The following IRF7 variants were observed in gnomAD, a reference collection of about 807,000 sequenced individuals.
IRF7 encodes the protein interferon regulatory factor 7.
A neutral mutation model predicts 51.3 loss-of-function variants in IRF7; 67 were observed. The observed-to-expected ratio is 1.31, with a 90% CI of 1.07 to 1.60. The LOEUF is 1.60. Among genes scored for constraint, IRF7 ranks in the 40% most tolerant of loss-of-function variants. IRF7 has a pLI of 0.00. For missense variants in IRF7, 873 were observed against 701.5 expected, an observed-to-expected ratio of 1.24 and a Z score of -2.76; for synonymous variants, 427 against 301.3, an observed-to-expected ratio of 1.42 and a Z score of -4.32.
chr11:615,627 C>G lies in IRF7; in HGVS notation c.-263G>C. On this transcript the variant is annotated 5_prime_UTR_variant, in exon 2 of 11. Transcript: ENST00000525445. ...GTGTTGAACCAGTGTCCAGGCCTGG[C>G]GGGAAGGCGCAGGCCGGACCCTGCG... 1 of 417,886 alleles carries G rather than the reference C, an allele frequency of 2.4e-6. No individual in the cohort carries two copies. Among genetic ancestry groups the G allele is most frequent in the Non-Finnish European group, 4.2e-6 (1 of 237,440 alleles). 25.9% of individuals were successfully genotyped at this position (417,886 alleles called of 1,614,324 possible). A position where few individuals can be genotyped will look rare whatever the true frequency, so the allele number is the denominator to read the frequency against.
In IRF7 at chr11:612,612, T is replaced by C. The variant is rs1237754822; in HGVS notation, c.*33A>G. On this transcript the variant is annotated 3_prime_UTR_variant, in exon 11 of 11. Coordinates refer to ENST00000525445, the MANE Select transcript of IRF7 (RefSeq NM_001572.5). ...CCGCGGCCAGCTCTAGGTGGGCTGC[T>C]CCAGCTTTCTGGAGTTCTCATTAGA... The C allele has an allele frequency of 9.9e-6, 16 of 1,609,186 alleles. No homozygotes were observed. Among genetic ancestry groups the C allele is most frequent in the Non-Finnish European group, 1.4e-5 (16 of 1,178,446 alleles).
Position 614,178 on chromosome 11 carries a change from A to C in IRF7, c.675T>G (p.Ala225=), listed in dbSNP as rs778587899. The C allele has an allele frequency of 1.2e-5, 20 of 1,610,156 alleles. No individual in the cohort carries two copies. Among genetic ancestry groups the C allele is most frequent in the Non-Finnish European group, 1.7e-5 (20 of 1,178,812 alleles). The change falls in exon 6 of 11, where the codon GCT becomes GCG. Residue 225 remains alanine, a synonymous_variant. Coordinates refer to ENST00000525445, the MANE Select transcript of IRF7 (RefSeq NM_001572.5). Reference sequence around the variant, plus strand: ...CCTCCCCGGGCACGCCCACACCTCCAGCACAGGCCCCAGTCAGGGGAAGCC... The same window carrying C: ...CCTCCCCGGGCACGCCCACACCTCCCGCACAGGCCCCAGTCAGGGGAAGCC... The part of the protein sequence containing the change: ...QEGLPLTGAC[A]GGPGLPAGEL...
intron 9 of IRF7, 36 bp from the exon 10 acceptor site, chr11:613,153 A>G: frequency 6.2e-7 from 1 of 1,606,892 alleles, no homozygotes; most frequent in Non-Finnish European, 8.5e-7. Context: ...CCTGGCAGGC[A>G]GGTGCTCCCA....
Position 615,511 on chromosome 11 carries a change from G to A in IRF7, c.-147C>T, listed in dbSNP as rs954752080. 1 of 862,404 alleles carries A rather than the reference G, an allele frequency of 1.2e-6. No homozygotes were observed. Among genetic ancestry groups the A allele is most frequent in the South Asian group, 2.0e-5 (1 of 51,270 alleles). The allele number at this position is 862,404 out of a possible 1,614,324, so 53.4% of individuals were successfully genotyped here. On this transcript the variant is annotated 5_prime_UTR_variant, in exon 2 of 11. Coordinates refer to ENST00000525445, the MANE Select transcript of IRF7 (RefSeq NM_001572.5). ...CACAGGTGTGGACTGAGGGCTTGTA[G>A]CCACCGACGCTGCCTCGGTATGGAT...
At position 614,922 on chromosome 11, in the gene IRF7, C is replaced by A. The variant is rs745658182; in HGVS notation, c.269G>T (p.Gly90Val). The change falls in exon 4 of 11, where the codon GGC becomes GTC. Residue 90 changes from glycine to valine, a missense_variant. Physicochemically the swap from Gly to Val is moderately radical, Grantham distance 109 (BLOSUM62 -3). Coordinates refer to ENST00000525445, the MANE Select transcript of IRF7 (RefSeq NM_001572.5). ...PPEAETAERA[G>V]WKTNFRCALR... ...TGCGCAGCGGAAGTTGGTTTTCCAG[C>A]CGGCGCGCTCCGCAGTCTCAGCCTC... The A allele has an allele frequency of 6.3e-7, 1 of 1,582,912 alleles. No individual in the cohort carries two copies. The highest frequency in any genetic ancestry group is 2.3e-5 in the East Asian group (1 of 43,878).
In IRF7 at chr11:615,555, A is replaced by ACAGGTGTGACTG; in HGVS notation, c.-203_-192dup. Reference sequence around the variant, plus strand: ...TATGGATCTCTTGGCAGAGGGGGCTACAGGTGTGACTGCAGGTGTGGCCGG... The same window carrying ACAGGTGTGACTG: ...TATGGATCTCTTGGCAGAGGGGGCTACAGGTGTGACTGCAGGTGTGACTGCAGGTGTGGCCGG... On this transcript the variant is annotated 5_prime_UTR_variant, in exon 2 of 11. Coordinates refer to ENST00000525445, the MANE Select transcript of IRF7 (RefSeq NM_001572.5). 2 of 575,156 alleles carry ACAGGTGTGACTG rather than the reference A, an allele frequency of 3.5e-6. No homozygotes were observed. The highest frequency in any genetic ancestry group is 5.8e-6 in the Non-Finnish European group (2 of 342,246). 35.6% of individuals were successfully genotyped at this position (575,156 alleles called of 1,614,324 possible).
intron 5 of IRF7, 33 bp from the exon 6 acceptor site, chr11:614,432 C>T (rs976468968): frequency 7.6e-6 from 12 of 1,582,616 alleles, no homozygotes; most frequent in Admixed American, 1.8e-5. Context: ...ACGTAAGCAG[C>T]TCCGCGGCCT....
Position 613,205 on chromosome 11 carries a change from C to G in IRF7, c.1237+1G>C, listed in dbSNP as rs1370851419. 7 of 1,589,658 alleles carry G rather than the reference C, an allele frequency of 4.4e-6. No homozygotes were observed. The highest frequency in any genetic ancestry group is 6.0e-6 in the Non-Finnish European group (7 of 1,166,486). The stretch of plus-strand genomic sequence containing the variant: ...GCCCCCCAGGCAAGGGCCTCACTGA[C>G]CTTGGAAGAAGACTCTGAAGTCGAA... On this transcript the variant is annotated splice_donor_variant, in intron 9 of 10. Transcript: ENST00000525445. LOFTEE classifies it high-confidence loss of function.
Position 613,825 on chromosome 11 carries a change from C to G in IRF7, c.807G>C (p.Pro269=), listed in dbSNP as rs375273132. ...AAPESPHQAE[P]YLSPSPSACT... ...AGGCGCTTGGGGAGGGTGACAGGTA[C>G]GGCTCTGCCTGGTGCGGGGACTCTG... Residue 269 remains proline (P), a synonymous_variant, in exon 8 of 11, where the codon CCG becomes CCC. Transcript: ENST00000525445. The G allele has an allele frequency of 1.3e-6, 2 of 1,586,964 alleles. No individual in the cohort carries two copies. Among genetic ancestry groups the G allele is most frequent in the East Asian group, 2.3e-5 (1 of 44,322 alleles).
rs1203970795 is a variant in IRF7, at chr11:613,367, A to G, written c.1076T>C (p.Leu359Pro). Reference protein sequence around the residue: ...LLRHVAPGLHLELRGPQLWAR... With the variant: ...LLRHVAPGLHPELRGPQLWAR... ...CCACAGCTGTGGCCCCCGAAGCTCC[A>G]GGTGCAACCCAGGGGCCACGTGCCG... Residue 359 changes from leucine to proline, a missense_variant, in exon 9 of 11, where the codon CTG becomes CCG. By Grantham distance (98) the Leu-to-Pro change is moderately conservative (BLOSUM62 -3). Coordinates refer to ENST00000525445, the MANE Select transcript of IRF7 (RefSeq NM_001572.5). The G allele has an allele frequency of 1.2e-6, 2 of 1,609,856 alleles. No individual in the cohort carries two copies. The highest frequency in any genetic ancestry group is 1.1e-5 in the South Asian group (1 of 90,774).
Position 612,591 on chromosome 11 carries a change from G to T in IRF7, c.*54C>A. 1 of 1,596,986 alleles carries T rather than the reference G, an allele frequency of 6.3e-7. No individual in the cohort carries two copies. Among genetic ancestry groups the T allele is most frequent in the Non-Finnish European group, 8.5e-7 (1 of 1,170,456 alleles). On this transcript the variant is annotated 3_prime_UTR_variant, in exon 11 of 11. Transcript: ENST00000525445. Reference sequence around the variant, plus strand: ...TCTTTTTATTAGACTGGGCGGCCGCGGCCAGCTCTAGGTGGGCTGCTCCAG... The same window carrying T: ...TCTTTTTATTAGACTGGGCGGCCGCTGCCAGCTCTAGGTGGGCTGCTCCAG...
At position 614,054 on chromosome 11, in the gene IRF7, A is replaced by AGTG. The variant is rs1251979336; in HGVS notation, c.680-20_680-18dup. On this transcript the variant is annotated splice_polypyrimidine_tract_variant and intron_variant, in intron 6 of 10. Coordinates refer to ENST00000525445, the MANE Select transcript of IRF7 (RefSeq NM_001572.5). ...GCCCTGGGCCTGAGGAGGGGAGGAC[A>AGTG]GTGGGAACGGTGGTCCCCTCCTAAT... 1 of 1,599,368 alleles carries AGTG rather than the reference A, an allele frequency of 6.3e-7. No individual in the cohort carries two copies. Among genetic ancestry groups the AGTG allele is most frequent in the African/African-American group, 1.3e-5 (1 of 74,530 alleles).
intron 10 of IRF7, 61 bp downstream of exon 10, chr11:612,938 A>G (rs1312148714): frequency 6.3e-7 from 1 of 1,587,896 alleles, no homozygotes; most frequent in Non-Finnish European, 8.6e-7. Context: ...CTCTGAGGGC[A>G]TCAGGCGTCT....
At position 613,405 on chromosome 11, in the gene IRF7, C is replaced by G. The variant is rs577968811; in HGVS notation, c.1038G>C (p.Thr346=). ...GGGCCACGTGCCGCAGCAGTTCCTCCGTGTAGCGCAGCTGCTTCTGGTCCG... is the reference window on the plus strand; with the variant it reads ...GGGCCACGTGCCGCAGCAGTTCCTCGGTGTAGCGCAGCTGCTTCTGGTCCG... ...ELPDQKQLRY[T]EELLRHVAPG... The change falls in exon 9 of 11, where the codon ACG becomes ACC. Residue 346 remains threonine (T), a synonymous_variant. Transcript: ENST00000525445. 1 of 1,579,892 alleles carries G rather than the reference C, an allele frequency of 6.3e-7. No individual in the cohort carries two copies. Among genetic ancestry groups the G allele is most frequent in the Non-Finnish European group, 8.6e-7 (1 of 1,164,576 alleles).
rs779495519 is a variant in IRF7, at chr11:613,338, G to C, written c.1105C>G (p.Arg369Gly). 13 of 1,611,568 alleles carry C rather than the reference G, an allele frequency of 8.1e-6. No individual in the cohort carries two copies. The highest frequency in any genetic ancestry group is 6.7e-5 in the Admixed American group (4 of 59,874). The change falls in exon 9 of 11, where the codon CGG becomes GGG. Residue 369 changes from arginine (R) to glycine (G), a missense_variant. Transcript: ENST00000525445. ...TACACCTTGCACTTGCCCATGCGCC[G>C]GGCCCACAGCTGTGGCCCCCGAAGC... ...LELRGPQLWA[R>G]RMGKCKVYWE...
rs1253897149 is a variant in IRF7, at chr11:615,173, G to T, written c.107C>A (p.Ala36Asp). ...CCAGGGCACGCGGAAACAGGTGCGG[G>T]CCTCGTCCAGCCACTGCAGCCCCTC... is the stretch of plus-strand genomic sequence containing the variant. Reference protein sequence around the residue: ...CYEGLQWLDEARTCFRVPWKH... With the variant: ...CYEGLQWLDEDRTCFRVPWKH... Residue 36 changes from alanine to aspartate, a missense_variant, in exon 3 of 11, where the codon GCC becomes GAC. Physicochemically the swap from Ala to Asp is moderately radical, Grantham distance 126. Coordinates refer to ENST00000525445, the MANE Select transcript of IRF7 (RefSeq NM_001572.5). The T allele has an allele frequency of 1.9e-6, 3 of 1,603,374 alleles. No individual in the cohort carries two copies. The highest frequency in any genetic ancestry group is 2.5e-6 in the Non-Finnish European group (3 of 1,178,746).
intron 7 of IRF7, 24 bp downstream of exon 7, chr11:613,927 C>T (rs777109398): frequency 3.7e-6 from 6 of 1,601,570 alleles, no homozygotes; most frequent in South Asian, 3.4e-5. Context: ...GTGCCCCAGG[C>T]CTCCCAACCC....
rs769910286 is a variant in IRF7, at chr11:613,472, G to T, written c.971C>A (p.Thr324Lys). ...YGPPDPAVRA[T>K]DPQQVAFPSP... ...GGGGAATGCTACCTGCTGGGGGTCT[G>T]TGGCCCGGACAGCTGGGTCTGGGGG... The change falls in exon 9 of 11, where the codon ACA (threonine) becomes AAA (lysine). Residue 324 changes from threonine to lysine, a missense_variant. By Grantham distance (78) the Thr-to-Lys change is moderately conservative. Coordinates refer to ENST00000525445, the MANE Select transcript of IRF7 (RefSeq NM_001572.5). 2 of 1,545,610 alleles carry T rather than the reference G, an allele frequency of 1.3e-6. No homozygotes were observed. The highest frequency in any genetic ancestry group is 1.2e-5 in the South Asian group (1 of 80,186).
At position 614,490 on chromosome 11, in the gene IRF7, C is replaced by T. The variant is rs765552656; in HGVS notation, c.439G>A (p.Val147Ile). The T allele has an allele frequency of 3.2e-6, 5 of 1,563,702 alleles. No homozygotes were observed. The highest frequency in any genetic ancestry group is 3.3e-4 in the Middle Eastern group (2 of 6,000). Residue 147 changes from valine (V) to isoleucine (I), a missense_variant, in exon 5 of 11, where the codon GTC becomes ATC. By Grantham distance (29) the Val-to-Ile change is conservative. Transcript: ENST00000525445. ...DQTEAEAPAA[V>I]PPPQGGPPGP... ...GAGAAGGGTACCTGTGGTGGTGGGA[C>T]AGCTGCGGGGGCCTCTGCCTCAGTC... is the stretch of plus-strand genomic sequence containing the variant.
Sources: allele counts gnomAD v4.1 joint callset, GRCh38; gene constraint gnomAD v4.1.1; transcripts MANE v1.5; gene names NCBI Gene and HGNC (gene_info 2026-07-23, HGNC 2026-07-21).